The following AGBL4 variants were observed in gnomAD, a reference collection of about 807,000 sequenced individuals.
The protein encoded by AGBL4 is AGBL carboxypeptidase 4, also known as cytosolic carboxypeptidase 6.
In AGBL4, 58 loss-of-function variants were observed where a neutral mutation model predicts 66.4. The ratio of observed to expected loss-of-function variants is 0.87; its 90% CI spans 0.71 to 1.09. The LOEUF (loss-of-function observed/expected upper bound fraction) is 1.09. AGBL4 is among the 50% of genes least tolerant of loss of function. The pLI, the probability that AGBL4 is intolerant of heterozygous loss-of-function variation, is 0.00. For missense variants in AGBL4, 579 were observed against 631.0 expected, an observed-to-expected ratio of 0.92 and a Z score of 0.88; for synonymous variants, 234 against 222.9, an observed-to-expected ratio of 1.05 and a Z score of -0.44.
At chr1:49,100,669 G>A (rs1183231672) in intron 4 of AGBL4, among the ~76,000 whole-genome samples, 1 of 152,178 alleles carries the variant, frequency 6.6e-6, no homozygotes, top group African/African-American at 2.4e-5. Flanking sequence ...GGCAATGCCT[G>A]AGTCTAGGGA....
chr1:49,104,366 A>G (rs1645255852), intron 4 of AGBL4, among the ~76,000 whole-genome samples: 1 of 152,228 alleles, frequency 6.6e-6, no homozygotes, highest in Non-Finnish European at 1.5e-5. Context: ...TTATAAAAGG[A>G]ATGAACATTA....
In AGBL4 at chr1:48,841,386, T is replaced by C. The variant is rs1391121536; in HGVS notation, c.634+25805A>G. ...GGTAGAGTCTTGGTTATTCAAACTATCTCTTACTACAAAACCCCCCCCCCC... is the reference window on the plus strand; with the variant it reads ...GGTAGAGTCTTGGTTATTCAAACTACCTCTTACTACAAAACCCCCCCCCCC... On this transcript the variant is annotated intron_variant, in intron 6 of 13. Coordinates refer to ENST00000371839, the MANE Select transcript of AGBL4 (RefSeq NM_032785.4). Among the ~76,000 whole-genome samples the C allele has an allele frequency of 1.1e-4, 15 of 141,660 alleles. No individual in the cohort carries two copies. The Admixed American group carries it at 1.1e-3, about 11-fold the overall frequency. The allele number at this position is 141,660 out of a possible 152,430, so 92.9% of individuals were successfully genotyped here. A position where few individuals can be genotyped will look rare whatever the true frequency, so the allele number is the denominator to read the frequency against.
intron 6 of AGBL4, among the ~76,000 whole-genome samples, chr1:48,719,091 A>C (rs1647100509): frequency 6.6e-6 from 1 of 152,176 alleles, no homozygotes; most frequent in South Asian, 2.1e-4. Flanking sequence ...TCCACATCCC[A>C]TGCTGTTCCC....
At chr1:49,325,335 T>C (rs1195662129) in intron 3 of AGBL4, among the ~76,000 whole-genome samples, 1 of 152,198 alleles carries the variant, frequency 6.6e-6, no homozygotes, top group Non-Finnish European at 1.5e-5. Flanking sequence ...ACAAAAATCT[T>C]TAGTGGCAGC....
intron 4 of AGBL4, among the ~76,000 whole-genome samples, chr1:49,129,065 A>T (rs778271217): frequency 6.6e-6 from 1 of 152,042 alleles, no homozygotes; most frequent in Non-Finnish European, 1.5e-5. Context: ...ACATTTTAAC[A>T]AAACCCACAA....
At chr1:48,605,523 G>A (rs1485393788) in intron 9 of AGBL4, among the ~76,000 whole-genome samples, 4 of 152,050 alleles carry the variant, frequency 2.6e-5, no homozygotes, top group African/African-American at 4.8e-5. Flanking sequence ...CCTTCTTCAC[G>A]TCTATTGTCA....
chr1:48,675,077 C>T (rs1044277797), intron 6 of AGBL4, among the ~76,000 whole-genome samples: 6 of 152,122 alleles, frequency 3.9e-5, no homozygotes, highest in African/African-American at 1.2e-4. Flanking sequence ...TTTGATGTAA[C>T]GGTTTTGAAA....
At chr1:48,828,003 C>A (rs943457961) in intron 6 of AGBL4, among the ~76,000 whole-genome samples, 25 of 120,614 alleles carry the variant, frequency 2.1e-4, no homozygotes, top group African/African-American at 9.1e-4. Flanking sequence ...AATACACACA[C>A]ACACACACAC....
At chr1:48,663,069 C>T (rs1646132729) in intron 7 of AGBL4, 83 bp downstream of exon 7, 1 of 1,266,806 alleles carries the variant, frequency 7.9e-7, no homozygotes, top group Non-Finnish European at 1.1e-6. Flanking sequence ...AATGGCTCTG[C>T]ATGTGGCCAC....
At chr1:48,773,035 C>T (rs547614179) in intron 6 of AGBL4, among the ~76,000 whole-genome samples, 16 of 152,236 alleles carry the variant, frequency 1.1e-4, no homozygotes, top group Admixed American at 2.0e-4. Flanking sequence ...ACCCCTGGGT[C>T]GTGCTGTCAT....
intron 3 of AGBL4, among the ~76,000 whole-genome samples, chr1:49,629,830 T>C (rs1645536441): frequency 6.6e-6 from 1 of 152,266 alleles, no homozygotes; most frequent in African/African-American, 2.4e-5. Flanking sequence ...CTTCTATTAA[T>C]GGTTTTCAGA....
At position 49,688,279 on chromosome 1, in the gene AGBL4, GT is replaced by G. The variant is rs1057247680; in HGVS notation, c.282+9033del. Among the ~76,000 whole-genome samples the G allele has an allele frequency of 3.9e-5, 6 of 152,206 alleles. No homozygotes were observed. In the South Asian group the frequency reaches 1.0e-3, roughly 26 times the overall value. ...AGTCTCCACCTCCATGAGTTAAATTGTTTTAATTTTTAGCTAATTTTAGCTA... is the reference window on the plus strand; with the variant it reads ...AGTCTCCACCTCCATGAGTTAAATTGTTTAATTTTTAGCTAATTTTAGCTA... On this transcript the variant is annotated intron_variant, in intron 3 of 13. Transcript: ENST00000371839.
chr1:49,306,648 T>C (rs1341671118), intron 3 of AGBL4, among the ~76,000 whole-genome samples: 1 of 152,212 alleles, frequency 6.6e-6, no homozygotes, highest in Admixed American at 6.5e-5. Flanking sequence ...ACAACTCTAT[T>C]TGTGGATTGA....
rs183607610 is a variant in AGBL4 at position 49,182,882 on chromosome 1, A to G, written c.377+62888T>C. On this transcript the variant is annotated intron_variant, in intron 4 of 13. Transcript: ENST00000371839. ...AAGAAATAACAGATATTCAGTAAAT[A>G]CTTTCAAGATTGAAATACCATAGTT... 3.6e-4 allele frequency among the ~76,000 whole-genome samples: 55 copies of G among 152,314 alleles called. No homozygotes were observed. In the Middle Eastern group the frequency reaches 0.01, roughly 28 times the overall value.
intron 11 of AGBL4, among the ~76,000 whole-genome samples, chr1:48,575,018 ATG>A (rs1389156001): frequency 1.3e-5 from 2 of 152,186 alleles, no homozygotes; most frequent in Non-Finnish European, 2.9e-5. Context: ...TGTTCAATAA[ATG>A]TTATATCTAA....
intron 1 of AGBL4, among the ~76,000 whole-genome samples, chr1:49,952,105 A>G (rs1656209599): frequency 6.6e-6 from 1 of 151,904 alleles, no homozygotes; most frequent in South Asian, 2.1e-4. Flanking sequence ...CAACATTGTG[A>G]ATATATTTAA....
chr1:48,692,814 C>T (rs72902832), intron 6 of AGBL4, among the ~76,000 whole-genome samples: 6,568 of 152,246 alleles, frequency 0.043, 243 homozygotes, highest in African/African-American at 0.099. Context: ...TCTTCTTACA[C>T]AGGGAAATGG....
intron 2 of AGBL4, among the ~76,000 whole-genome samples, chr1:49,705,018 G>C (rs547544580): frequency 6.6e-6 from 1 of 152,246 alleles, no homozygotes; most frequent in African/African-American, 2.4e-5. Context: ...ACTTTGGGCA[G>C]TATGGCCATT....
intron 2 of AGBL4, among the ~76,000 whole-genome samples, chr1:49,753,213 T>C (rs1046424576): frequency 3.3e-5 from 5 of 152,256 alleles, no homozygotes; most frequent in Non-Finnish European, 5.9e-5. Flanking sequence ...TACTGGTTTA[T>C]GCTTTCCATA....
Sources: allele counts gnomAD v4.1 joint callset (sites outside exome capture counted in the v4.1 genomes callset), GRCh38; gene constraint gnomAD v4.1.1; transcripts MANE v1.5; gene names NCBI Gene and HGNC (gene_info 2026-07-23, HGNC 2026-07-21).